FOXJ3: variants seen among roughly 807,000 people sequenced by gnomAD.
FOXJ3 encodes forkhead box protein J3.
FOXJ3 carries 22 observed loss-of-function variants against 76.1 expected under a neutral mutation model. The observed-to-expected ratio is 0.29, with a 90% confidence interval of 0.21 to 0.41. FOXJ3 has a LOEUF of 0.41. Ranked by LOEUF, FOXJ3 falls within the 10% of genes least tolerant of loss-of-function variation. The pLI, the probability that FOXJ3 is intolerant of heterozygous loss-of-function variation, is 1.00. For missense variants in FOXJ3, 613 were observed against 762.1 expected (o/e 0.80, Z 2.30); for synonymous variants, 269 against 261.2 (o/e 1.03, Z -0.29).
At chr1:42,307,447 T>C (rs762242907) in intron 2 of FOXJ3, among the ~76,000 whole-genome samples, 13 of 152,256 alleles carry the variant, frequency 8.5e-5, no homozygotes, top group East Asian at 1.9e-4. Context: ...CCGCCTGTTA[T>C]GTCTATCTTT....
chr1:42,327,846 T>C lies in FOXJ3; in HGVS notation c.-18+7213A>G, dbSNP rs1655928278. On this transcript the variant is annotated intron_variant, in intron 1 of 12. Transcript: ENST00000361346. The stretch of plus-strand genomic sequence containing the variant: ...GTAGGAGAATTCCGTTAGAACTTTT[T>C]GTTTTATACTCCAGGTGAAAACTCT... Among the ~76,000 whole-genome samples, 3 of 152,238 alleles carry C rather than the reference T, an allele frequency of 2.0e-5. No homozygotes were observed. The South Asian group carries it at 6.2e-4, about 31-fold the overall frequency.
intron 4 of FOXJ3, among the ~76,000 whole-genome samples, chr1:42,250,160 T>C (rs1263827566): frequency 6.6e-6 from 1 of 152,192 alleles, no homozygotes; most frequent in Non-Finnish European, 1.5e-5. Flanking sequence ...TAGAGGAGAC[T>C]AGTGGAAAGT....
intron 5 of FOXJ3, among the ~76,000 whole-genome samples, chr1:42,212,957 C>CAAA (rs1209892066): frequency 0.01 from 664 of 65,116 alleles, 59 homozygotes; most frequent in African/African-American, 0.029. Context: ...TTGTATCTAG[C>CAAA]AAAAAAAAAA....
At chr1:42,273,045 C>T (rs1651977034) in intron 3 of FOXJ3, among the ~76,000 whole-genome samples, 1 of 152,192 alleles carries the variant, frequency 6.6e-6, no homozygotes, top group Non-Finnish European at 1.5e-5. Context: ...CTCTGTACCA[C>T]TCAATTTAGA....
intron 4 of FOXJ3, among the ~76,000 whole-genome samples, chr1:42,232,014 G>A (rs1321181762): frequency 1.3e-5 from 2 of 151,846 alleles, no homozygotes; most frequent in African/African-American, 4.8e-5. Flanking sequence ...TGTTCTCACT[G>A]TTCAATTCCC....
At chr1:42,292,819 G>T (rs1653528844) in intron 2 of FOXJ3, among the ~76,000 whole-genome samples, 1 of 152,122 alleles carries the variant, frequency 6.6e-6, no homozygotes, top group Non-Finnish European at 1.5e-5. Context: ...AATATTTGTG[G>T]GCTCAGCATG....
chr1:42,264,054 T>A (rs1376459504), intron 4 of FOXJ3, among the ~76,000 whole-genome samples: 2 of 147,450 alleles, frequency 1.4e-5, no homozygotes, highest in Non-Finnish European at 1.5e-5. Flanking sequence ...ATGATGACGG[T>A]CGCTACAAAA....
intron 11 of FOXJ3, among the ~76,000 whole-genome samples, chr1:42,182,601 G>A (rs971478840): frequency 1.3e-5 from 2 of 152,140 alleles, no homozygotes; most frequent in South Asian, 2.1e-4. Flanking sequence ...GGGTTCGGGC[G>A]ATTCTCCTGC....
At chr1:42,277,327 G>A (rs367636000) in intron 3 of FOXJ3, among the ~76,000 whole-genome samples, 5 of 149,128 alleles carry the variant, frequency 3.4e-5, no homozygotes, top group African/African-American at 1.2e-4. Flanking sequence ...TCAGGCACTC[G>A]ACCTTGGGTA....
chr1:42,315,172 G>A (rs1432869602), intron 1 of FOXJ3, among the ~76,000 whole-genome samples: 2 of 152,216 alleles, frequency 1.3e-5, no homozygotes, highest in African/African-American at 4.8e-5. Context: ...GTTGCCAGGA[G>A]ATGGGGGAAG....
At chr1:42,188,107 G>A (rs1472724574) in intron 11 of FOXJ3, among the ~76,000 whole-genome samples, 1 of 152,116 alleles carries the variant, frequency 6.6e-6, no homozygotes, top group East Asian at 1.9e-4. Context: ...CAGAAAAGAA[G>A]TAAACTTGAT....
rs564132140 is a variant in FOXJ3 at position 42,285,397 on chromosome 1, T to C, written c.45-6725A>G. Among the ~76,000 whole-genome samples the C allele has an allele frequency of 2.0e-4, 31 of 151,714 alleles. No homozygotes were observed. In the East Asian group the frequency reaches 5.6e-3, roughly 27 times the overall value. On this transcript the variant is annotated intron_variant, in intron 2 of 12. Coordinates refer to ENST00000361346, the MANE Select transcript of FOXJ3 (RefSeq NM_014947.5). ...ATCCCTGAGGTAAGTAGAGTACAAA[T>C]GGCAGTCTTCACATTAAAAAAAAAA...
rs1218473678 is a variant in FOXJ3, at chr1:42,278,776, G to A, written c.45-104C>T. ...GGAGTTCCAAAGTGAGGGAAAGCCT[G>A]AGTTACATCTGGAGGAAAAAGATTG... On this transcript the variant is annotated intron_variant, in intron 2 of 12. Transcript: ENST00000361346. 24 of 779,044 alleles carry A rather than the reference G, an allele frequency of 3.1e-5. No homozygotes were observed. The East Asian group carries it at 5.7e-4, about 18-fold the overall frequency. 48.3% of individuals were successfully genotyped at this position (779,044 alleles called of 1,614,324 possible).
chr1:42,295,848 A>G (rs2124717553), intron 2 of FOXJ3, among the ~76,000 whole-genome samples: 1 of 152,110 alleles, frequency 6.6e-6, no homozygotes, highest in Middle Eastern at 3.4e-3. Flanking sequence ...GTATATAGTG[A>G]TTTATTTTAT....
chr1:42,328,676 A>ATTT (rs35507698), intron 1 of FOXJ3, among the ~76,000 whole-genome samples: 8 of 115,108 alleles, frequency 6.9e-5, no homozygotes, highest in Admixed American at 9.2e-5. Flanking sequence ...TACTTATCCT[A>ATTT]TTTTTTTTTT....
At chr1:42,270,211 G>A (rs1651768640) in intron 3 of FOXJ3, among the ~76,000 whole-genome samples, 1 of 152,014 alleles carries the variant, frequency 6.6e-6, no homozygotes, top group South Asian at 2.1e-4. Flanking sequence ...TTCATTCTTG[G>A]ATTAAACTTC....
At chr1:42,298,841 T>A (rs117429247) in intron 2 of FOXJ3, among the ~76,000 whole-genome samples, 18 of 152,332 alleles carry the variant, frequency 1.2e-4, no homozygotes, top group Middle Eastern at 3.4e-3. Context: ...GTATGCTGTG[T>A]CTCCATTTTC....
At chr1:42,194,840 A>G (rs1646620025) in intron 8 of FOXJ3, 50 bp downstream of exon 8, 4 of 1,191,796 alleles carry the variant, frequency 3.4e-6, no homozygotes, top group Non-Finnish European at 4.8e-6. Flanking sequence ...TAATTTAAAA[A>G]CCTTTTTCCA....
rs763235068 is a variant in FOXJ3, at chr1:42,179,806, G to A, written c.1773C>T (p.Asn591=). The change falls in exon 13 of 13, where the codon AAC becomes AAT. Residue 591 remains asparagine (N), a synonymous_variant. Coordinates refer to ENST00000361346, the MANE Select transcript of FOXJ3 (RefSeq NM_014947.5). ...TTMAGHHRAM[N]QQHMMPSQAF... Reference sequence around the variant, plus strand: ...CTTGGGAAGGCATCATGTGCTGCTGGTTCATGGCTCTGTGATGGCCTGGAA... The same window carrying A: ...CTTGGGAAGGCATCATGTGCTGCTGATTCATGGCTCTGTGATGGCCTGGAA... The A allele has an allele frequency of 1.9e-6, 3 of 1,613,382 alleles. No homozygotes were observed. The highest frequency in any genetic ancestry group is 3.3e-5 in the Admixed American group (2 of 60,000).
Sources: gnomAD v4.1 joint callset for allele counts (sites outside exome capture counted in the v4.1 genomes callset) on GRCh38, gnomAD v4.1.1 for gene constraint, MANE v1.5 for transcripts, NCBI Gene and HGNC (gene_info 2026-07-23, HGNC 2026-07-21) for gene names.